Variants in DNAAF4 observed in about 807,000 individuals in gnomAD.
DNAAF4 encodes dynein assembly factor 4, axonemal.
In DNAAF4, 43 loss-of-function variants were observed where a neutral mutation model predicts 51.8. The ratio of observed to expected loss-of-function variants is 0.83; its 90% CI spans 0.65 to 1.07. DNAAF4 has a LOEUF of 1.07. Among genes scored for constraint, DNAAF4 ranks in the 50% least tolerant of loss-of-function variants. The pLI is 0.00. For synonymous variants in DNAAF4, 194 were observed against 165.6 expected (o/e 1.17, Z -1.32); for missense variants, 581 against 493.0 (o/e 1.18, Z -1.69).
chr15:55,438,923 T>C (rs1595895211), intron 7 of DNAAF4, among the ~76,000 whole-genome samples: 1 of 152,212 alleles, frequency 6.6e-6, no homozygotes, highest in Admixed American at 6.5e-5. Context: ...TTAATAAGCA[T>C]TCCAAAAGAT....
At chr15:55,456,639 G>T (rs2058025199) in intron 5 of DNAAF4, among the ~76,000 whole-genome samples, 2 of 152,154 alleles carry the variant, frequency 1.3e-5, no homozygotes, top group African/African-American at 4.8e-5. Flanking sequence ...CCCTTTGAAA[G>T]AAGTGGTTCG....
At chr15:55,452,189 A>G (rs1024948944) in intron 5 of DNAAF4, among the ~76,000 whole-genome samples, 3 of 132,494 alleles carry the variant, frequency 2.3e-5, no homozygotes, top group African/African-American at 8.2e-5. Context: ...CAGAGGCTGC[A>G]GTGAGCCAAG....
intron 4 of DNAAF4, among the ~76,000 whole-genome samples, chr15:55,473,694 C>T (rs542284055): frequency 4.0e-5 from 6 of 151,788 alleles, no homozygotes; most frequent in African/African-American, 7.3e-5. Flanking sequence ...TACTTCATGA[C>T]GAAATATTAG....
rs148432988 is a variant in DNAAF4 at position 55,432,899 on chromosome 15, G to A, written c.1048-297C>T. Among the ~76,000 whole-genome samples the A allele has an allele frequency of 0.052, 7,864 of 151,934 alleles. 303 individuals are homozygous for A. Among genetic ancestry groups the A allele is most frequent in the South Asian group, 0.099 (477 of 4,802 alleles). On this transcript the variant is annotated intron_variant, in intron 8 of 9. Transcript: ENST00000321149. Reference sequence around the variant, plus strand: ...AGGGAGGCAGAGCTTGCAGAGAGCCGAGATCGCGCCACTGAACTCCAGCCT... The same window carrying A: ...AGGGAGGCAGAGCTTGCAGAGAGCCAAGATCGCGCCACTGAACTCCAGCCT...
chr15:55,431,527 C>T (rs1279734061), intron 9 of DNAAF4, among the ~76,000 whole-genome samples: 2 of 146,668 alleles, frequency 1.4e-5, no homozygotes, highest in African/African-American at 2.5e-5. Context: ...CAGGCTGTAG[C>T]GCAGTGGCGT....
intron 5 of DNAAF4, among the ~76,000 whole-genome samples, chr15:55,458,370 A>T (rs534388306): frequency 1.3e-5 from 2 of 152,214 alleles, no homozygotes; most frequent in Non-Finnish European, 2.9e-5. Context: ...GAAATGAAAG[A>T]CACACTTAAA....
intron 2 of DNAAF4, 42 bp downstream of exon 2, chr15:55,498,165 A>G (rs2141604096): frequency 3.1e-6 from 5 of 1,613,924 alleles, no homozygotes; most frequent in Non-Finnish European, 4.2e-6. Flanking sequence ...GAAGCTTCGG[A>G]CCACACCCCC....
At chr15:55,461,653 G>C (rs1370596725) in intron 5 of DNAAF4, among the ~76,000 whole-genome samples, 1 of 152,148 alleles carries the variant, frequency 6.6e-6, no homozygotes, top group Non-Finnish European at 1.5e-5. Flanking sequence ...TAAGAGGAAA[G>C]TTCATAGCAC....
chr15:55,489,582 T>C (rs1409012903), intron 4 of DNAAF4, among the ~76,000 whole-genome samples: 2 of 148,698 alleles, frequency 1.3e-5, no homozygotes, highest in Non-Finnish European at 3.0e-5. Flanking sequence ...GACTGAGGCA[T>C]GAGAATCTCT....
At chr15:55,445,032 C>CTTTTTTTTTTTTTTTTTTTTT (rs35988188) in intron 6 of DNAAF4, among the ~76,000 whole-genome samples, 1 of 109,044 alleles carries the variant, frequency 9.2e-6, no homozygotes, top group Non-Finnish European at 1.8e-5. Context: ...ATTGAATACC[C>CTTTTTTTTTTTTTTTTTTTTT]TTTTTTTTTT....
chr15:55,432,459 A>G, intron 9 of DNAAF4, 38 bp downstream of exon 9: 1 of 1,525,298 alleles, frequency 6.6e-7, no homozygotes, highest in Non-Finnish European at 9.0e-7. Context: ...TTTTCAGAGT[A>G]TAACTTGGGA....
chr15:55,496,002 G>A (rs1261617404), intron 3 of DNAAF4, among the ~76,000 whole-genome samples: 1 of 152,162 alleles, frequency 6.6e-6, no homozygotes, highest in East Asian at 1.9e-4. Flanking sequence ...CGAGGTGGGT[G>A]GATCACTTGA....
At chr15:55,439,769 G>A (rs562125741) in intron 6 of DNAAF4, among the ~76,000 whole-genome samples, 188 bp from the exon 7 acceptor site, 1 of 152,218 alleles carries the variant, frequency 6.6e-6, no homozygotes, top group East Asian at 1.9e-4. Flanking sequence ...ATCGGTATTT[G>A]GTAGTGGGGC....
chr15:55,482,205 G>A (rs1365069761), intron 4 of DNAAF4, among the ~76,000 whole-genome samples: 6 of 151,712 alleles, frequency 4.0e-5, no homozygotes, highest in Admixed American at 2.6e-4. Flanking sequence ...TTTCCATCTG[G>A]CAACAACAGA....
At chr15:55,483,422 T>C (rs931166666) in intron 4 of DNAAF4, among the ~76,000 whole-genome samples, 2 of 151,942 alleles carry the variant, frequency 1.3e-5, no homozygotes, top group Non-Finnish European at 2.9e-5. Context: ...GGTTATGAAA[T>C]GTTCCAGAAT....
intron 8 of DNAAF4, among the ~76,000 whole-genome samples, chr15:55,433,841 T>TATATA (rs1212907438): frequency 5.4e-5 from 4 of 73,578 alleles, no homozygotes; most frequent in Non-Finnish European, 7.5e-5. Flanking sequence ...ACATATATTA[T>TATATA]ATATTATATA....
chr15:55,424,613 A>G (rs1268270900), intron 7 of DNAAF4, among the ~76,000 whole-genome samples: 1 of 152,352 alleles, frequency 6.6e-6, no homozygotes, highest in East Asian at 1.9e-4. Context: ...TCCAGGCTAG[A>G]GTGCAGTGGC....
At chr15:55,467,953 C>G (rs1326533280) in intron 4 of DNAAF4, among the ~76,000 whole-genome samples, 1 of 152,114 alleles carries the variant, frequency 6.6e-6, no homozygotes, top group Non-Finnish European at 1.5e-5. Context: ...ATCTGACTTT[C>G]CTATGGTAAG....
At chr15:55,496,090 C>T (rs536222910) in intron 3 of DNAAF4, among the ~76,000 whole-genome samples, 4 of 152,058 alleles carry the variant, frequency 2.6e-5, no homozygotes, top group Non-Finnish European at 2.9e-5. Flanking sequence ...ATTAGCTGGA[C>T]GTGGTGGCAC....
Sources: allele counts gnomAD v4.1 joint callset (sites outside exome capture counted in the v4.1 genomes callset), GRCh38; gene constraint gnomAD v4.1.1; transcripts MANE v1.5; gene names NCBI Gene and HGNC (gene_info 2026-07-23, HGNC 2026-07-21).